Variants in PRIM2 observed in about 807,000 individuals in gnomAD.
PRIM2 encodes DNA primase large subunit.
PRIM2 carries 39 observed loss-of-function variants against 67.3 expected under a neutral mutation model. The ratio of observed to expected loss-of-function variants is 0.58; its 90% CI spans 0.45 to 0.76. The LOEUF is 0.76. Among genes scored for constraint, PRIM2 ranks in the 30% least tolerant of loss-of-function variants. PRIM2 has a pLI of 0.00. For missense variants in PRIM2, 398 were observed against 598.7 expected (o/e 0.66, Z 3.50); for synonymous variants, 143 against 198.7 (o/e 0.72, Z 2.36).
chr6:57,292,575 C>T, the PRIM2 span, among the ~76,000 whole-genome samples: 1 of 152,180 alleles, frequency 6.6e-6, no homozygotes, highest in Admixed American at 6.5e-5. Flanking sequence ...TTGGAGGCAT[C>T]ATGCTACCTG....
At chr6:57,389,094 ATTTATT>A (rs891564599) in intron 7 of PRIM2, among the ~76,000 whole-genome samples, 3 of 152,038 alleles carry the variant, frequency 2.0e-5, no homozygotes, top group Non-Finnish European at 4.4e-5. Context: ...CAGTGTGACT[ATTTATT>A]TTTATTTTTA....
At position 57,483,329 on chromosome 6, in the gene PRIM2, C is replaced by G. The variant is rs1773674309; in HGVS notation, c.694-24058C>G. Among the ~76,000 whole-genome samples, 3 of 152,136 alleles carry G rather than the reference C, an allele frequency of 2.0e-5. No homozygotes were observed. The South Asian group carries it at 6.2e-4, about 32-fold the overall frequency. ...TTTCATTAAAATGTTCAAACAGCAG[C>G]AGCAGCAAGAAAGGAATGCCAACAG... On this transcript the variant is annotated intron_variant, in intron 7 of 13. Coordinates refer to ENST00000615550, the MANE Select transcript of PRIM2 (RefSeq NM_000947.5).
the PRIM2 span, among the ~76,000 whole-genome samples, chr6:57,283,818 C>T: frequency 6.6e-6 from 1 of 151,854 alleles, no homozygotes; most frequent in South Asian, 2.1e-4. Context: ...CGTTTGGGGC[C>T]TAAATTATAG....
intron 10 of PRIM2, among the ~76,000 whole-genome samples, chr6:57,562,256 AC>A (rs1775647529): frequency 6.6e-6 from 1 of 152,232 alleles, no homozygotes; most frequent in Non-Finnish European, 1.5e-5. Flanking sequence ...TGACACACAG[AC>A]ACGAAGTGAG....
At chr6:57,318,074 T>C (rs991648341) in intron 1 of PRIM2, among the ~76,000 whole-genome samples, 3 of 152,160 alleles carry the variant, frequency 2.0e-5, no homozygotes, top group Admixed American at 6.5e-5. Context: ...AAGTTCAGGA[T>C]TGCAGACCAC....
At chr6:57,409,369 G>A (rs1451781653) in intron 7 of PRIM2, among the ~76,000 whole-genome samples, 1 of 152,082 alleles carries the variant, frequency 6.6e-6, no homozygotes, top group Admixed American at 6.6e-5. Flanking sequence ...TAGAGGCAGG[G>A]TTTCACCGTG....
At chr6:57,323,708 A>G (rs1767738024) in intron 3 of PRIM2, among the ~76,000 whole-genome samples, 1 of 151,912 alleles carries the variant, frequency 6.6e-6, no homozygotes, top group South Asian at 2.1e-4. Context: ...CGGGCAGCAA[A>G]CCACCATGGC....
intron 10 of PRIM2, among the ~76,000 whole-genome samples, chr6:57,591,621 C>T (rs1316018453): frequency 2.6e-5 from 4 of 152,126 alleles, no homozygotes; most frequent in Middle Eastern, 6.8e-3. Flanking sequence ...GTTAAAATGT[C>T]CTCCTGAAGA....
intron 7 of PRIM2, among the ~76,000 whole-genome samples, chr6:57,489,929 T>G (rs1284563990): frequency 7.2e-6 from 1 of 139,644 alleles, no homozygotes; most frequent in Non-Finnish European, 1.6e-5. Flanking sequence ...TTTTAAGTGT[T>G]TTTTTTTTTT....
At chr6:57,517,788 G>C (rs1360327433) in intron 8 of PRIM2, among the ~76,000 whole-genome samples, 2 of 152,036 alleles carry the variant, frequency 1.3e-5, no homozygotes, top group Non-Finnish European at 2.9e-5. Context: ...CTACTGGTGG[G>C]GATTTTGCCT....
chr6:57,524,295 A>G (rs2127465322), intron 8 of PRIM2, among the ~76,000 whole-genome samples: 2 of 152,352 alleles, frequency 1.3e-5, no homozygotes, highest in East Asian at 1.9e-4. Flanking sequence ...AAAACTAGCC[A>G]TGCTGGCCTC....
At chr6:57,338,237 G>C (rs996103819) in intron 5 of PRIM2, among the ~76,000 whole-genome samples, 1 of 152,106 alleles carries the variant, frequency 6.6e-6, no homozygotes, top group Non-Finnish European at 1.5e-5. Flanking sequence ...ACCAAAAAGA[G>C]TCCAGGACCA....
At chr6:57,360,833 A>G (rs113260769) in intron 5 of PRIM2, among the ~76,000 whole-genome samples, 17,912 of 152,148 alleles carry the variant, frequency 0.12, 1,115 homozygotes, top group African/African-American at 0.15. Flanking sequence ...TAGCAGTAGC[A>G]AGCAAAGTAT....
chr6:57,309,291 T>TCCCCCCA, the PRIM2 span, among the ~76,000 whole-genome samples: 8 of 65,342 alleles, frequency 1.2e-4, no homozygotes, highest in Non-Finnish European at 2.2e-4. Context: ...CCCTCCCCCC[T>TCCCCCCA]CCCCCCACCC....
the PRIM2 span, among the ~76,000 whole-genome samples, chr6:57,268,983 A>G: frequency 6.6e-6 from 1 of 151,562 alleles, no homozygotes; most frequent in Non-Finnish European, 1.5e-5. Flanking sequence ...TTATGGCTGC[A>G]TAGTATTCCA....
Position 57,613,699 on chromosome 6 carries a change from G to T in PRIM2, c.1230+7242G>T, listed in dbSNP as rs1239724148. Among the ~76,000 whole-genome samples the T allele has an allele frequency of 3.9e-3, 597 of 152,272 alleles. 3 individuals carry two copies. Among genetic ancestry groups the T allele is most frequent in the African/African-American group, 0.014 (562 of 41,542 alleles). ...CAGCCTTTTCTGGCATTCGTTCCTT[G>T]AGCCCTACTTCCCACAGAGCAACAT... is the stretch of plus-strand genomic sequence containing the variant. On this transcript the variant is annotated intron_variant, in intron 12 of 13. Coordinates refer to ENST00000615550, the MANE Select transcript of PRIM2 (RefSeq NM_000947.5).
chr6:57,607,586 G>A (rs1403013962), intron 12 of PRIM2, among the ~76,000 whole-genome samples: 2 of 152,058 alleles, frequency 1.3e-5, no homozygotes, highest in African/African-American at 4.8e-5. Flanking sequence ...TTAGGATAAT[G>A]GTGGCACCAA....
At chr6:57,335,230 G>A (rs1316283135) in intron 5 of PRIM2, among the ~76,000 whole-genome samples, 168 of 152,360 alleles carry the variant, frequency 1.1e-3, no homozygotes, top group African/African-American at 3.9e-3. Flanking sequence ...GAGTCTCGCT[G>A]ATTGCTAGCA....
intron 7 of PRIM2, among the ~76,000 whole-genome samples, chr6:57,487,389 T>C (rs1773779228): frequency 6.6e-6 from 1 of 152,128 alleles, no homozygotes; most frequent in African/African-American, 2.4e-5. Flanking sequence ...CCGCCATGCC[T>C]GGCTAATTTT....
Sources: allele counts gnomAD v4.1 joint callset (sites outside exome capture counted in the v4.1 genomes callset), GRCh38; gene constraint gnomAD v4.1.1; transcripts MANE v1.5; gene names NCBI Gene and HGNC (gene_info 2026-07-23, HGNC 2026-07-21).